Variants in ZFHX3 observed in about 807,000 individuals in gnomAD.
The protein encoded by ZFHX3 is zinc finger homeobox protein 3.
ZFHX3 carries 42 observed loss-of-function variants against 279.1 expected under a neutral mutation model. The ratio of observed to expected loss-of-function variants is 0.15; its 90% CI spans 0.12 to 0.19. The LOEUF is 0.19. ZFHX3 is among the 10% of genes least tolerant of loss of function. The probability of loss-of-function intolerance (pLI) is 1.00; values close to 1 mark genes in which losing one functional copy is unlikely to be tolerated. For missense variants in ZFHX3, 4,981 were observed against 4,754.0 expected (o/e 1.05, Z -1.40); for synonymous variants, 2,293 against 1,957.8 (o/e 1.17, Z -4.52).
At chr16:73,455,429 C>T (rs1049547354) in intron 3 of ZFHX3, among the ~76,000 whole-genome samples, 1 of 152,166 alleles carries the variant, frequency 6.6e-6, no homozygotes, top group African/African-American at 2.4e-5. Flanking sequence ...GATGGTTCTA[C>T]ATTCTTCCCA....
intron 5 of ZFHX3, among the ~76,000 whole-genome samples, chr16:73,168,424 A>G (rs1473832918): frequency 2.0e-5 from 3 of 151,998 alleles, no homozygotes; most frequent in African/African-American, 7.2e-5. Context: ...GCTAAGTTAA[A>G]ACTTGTTTTG....
intron 1 of ZFHX3, among the ~76,000 whole-genome samples, chr16:73,000,048 CCCGGAGCCCCATGGGGACAG>C (rs1196533808): frequency 5.3e-5 from 8 of 152,208 alleles, no homozygotes; most frequent in Non-Finnish European, 1.2e-4. Flanking sequence ...GGGCTTTGTT[CCCGGAGCCCCATGGGGACAG>C]GGCTGGCTTC....
At chr16:72,846,695 T>G (rs2037489809) in intron 4 of ZFHX3, among the ~76,000 whole-genome samples, 1 of 152,226 alleles carries the variant, frequency 6.6e-6, no homozygotes, top group Non-Finnish European at 1.5e-5. Context: ...GGCAGGGATT[T>G]CCAGTAGAAA....
At chr16:73,185,852 C>T (rs575753898) in intron 5 of ZFHX3, among the ~76,000 whole-genome samples, 3 of 152,236 alleles carry the variant, frequency 2.0e-5, no homozygotes, top group Admixed American at 6.5e-5. Flanking sequence ...TGTCAGGAGC[C>T]GGATCACACA....
chr16:73,158,580 T>A (rs1351223092), intron 5 of ZFHX3, among the ~76,000 whole-genome samples: 2 of 152,182 alleles, frequency 1.3e-5, no homozygotes, highest in African/African-American at 4.8e-5. Flanking sequence ...ACATTGACCC[T>A]TATTCTTCTA....
chr16:73,183,623 C>T (rs1280028977), intron 5 of ZFHX3, among the ~76,000 whole-genome samples: 1 of 152,208 alleles, frequency 6.6e-6, no homozygotes, highest in Non-Finnish European at 1.5e-5. Flanking sequence ...AGACTTCACA[C>T]GCTGTCTTAC....
At chr16:73,868,780 TTTC>T (rs1266364440) in intron 1 of ZFHX3, among the ~76,000 whole-genome samples, 3 of 150,970 alleles carry the variant, frequency 2.0e-5, no homozygotes, top group African/African-American at 7.4e-5. Context: ...TCTTTCTTTC[TTTC>T]TTTTTTTAAT....
At chr16:73,642,090 C>G (rs894956035) in intron 2 of ZFHX3, among the ~76,000 whole-genome samples, 1 of 152,088 alleles carries the variant, frequency 6.6e-6, no homozygotes, top group African/African-American at 2.4e-5. Context: ...GAAGGTGGTC[C>G]GTGGCCTCGA....
intron 1 of ZFHX3, among the ~76,000 whole-genome samples, chr16:73,839,322 A>G: frequency 8.0e-6 from 1 of 124,520 alleles, no homozygotes; most frequent in Non-Finnish European, 1.6e-5. Context: ...GCAAGACTCC[A>G]TCTCAAAAAA....
chr16:73,516,222 A>C (rs1032614841), intron 2 of ZFHX3, among the ~76,000 whole-genome samples: 6 of 152,232 alleles, frequency 3.9e-5, no homozygotes, highest in Non-Finnish European at 5.9e-5. Flanking sequence ...ATCGCCTCTT[A>C]GAGTTGGGGC....
At position 73,600,308 on chromosome 16, in the gene ZFHX3, C is replaced by T. The variant is rs528376389; in HGVS notation, c.-1547+79872G>A. Among the ~76,000 whole-genome samples the T allele has an allele frequency of 2.6e-5, 4 of 152,208 alleles. No individual in the cohort carries two copies. The South Asian group carries it at 6.2e-4, about 24-fold the overall frequency. Reference sequence around the variant, plus strand: ...CAAGAGATGGTACCTGGGACATCACCAAGAAATATGAAGGCACTGGACTTG... The same window carrying T: ...CAAGAGATGGTACCTGGGACATCACTAAGAAATATGAAGGCACTGGACTTG... On this transcript the variant is annotated intron_variant, in intron 2 of 17. Transcript: ENST00000641206.
intron 4 of ZFHX3, among the ~76,000 whole-genome samples, chr16:72,876,377 C>T (rs2038313006): frequency 6.6e-6 from 1 of 152,148 alleles, no homozygotes; most frequent in African/African-American, 2.4e-5. Context: ...TGAGCTCCCA[C>T]AAGTGTCTGC....
chr16:72,968,233 G>A (rs756302768), intron 1 of ZFHX3, among the ~76,000 whole-genome samples: 1 of 151,956 alleles, frequency 6.6e-6, no homozygotes, highest in Non-Finnish European at 1.5e-5. Context: ...ATCCAACTGA[G>A]GACAGTCTGC....
intron 2 of ZFHX3, among the ~76,000 whole-genome samples, chr16:73,496,279 C>G (rs1459333499): frequency 6.6e-6 from 1 of 152,190 alleles, no homozygotes; most frequent in Non-Finnish European, 1.5e-5. Context: ...GCCTGTAATC[C>G]CAGTACTTTG....
intron 5 of ZFHX3, among the ~76,000 whole-genome samples, chr16:73,248,665 G>GTGCGCA (rs888285257): frequency 9.0e-4 from 135 of 150,456 alleles, no homozygotes; most frequent in African/African-American, 2.9e-3. Context: ...GTGTGTGTGT[G>GTGCGCA]CACGTGCACG....
chr16:73,407,868 T>G (rs2017391926), intron 3 of ZFHX3, among the ~76,000 whole-genome samples: 1 of 152,168 alleles, frequency 6.6e-6, no homozygotes, highest in African/African-American at 2.4e-5. Flanking sequence ...TCCACTGCCC[T>G]CTTAGATTCT....
chr16:73,009,517 A>G (rs1455604321), intron 1 of ZFHX3, among the ~76,000 whole-genome samples: 1 of 152,194 alleles, frequency 6.6e-6, no homozygotes, highest in Non-Finnish European at 1.5e-5. Context: ...TGAGTATACT[A>G]GCCTGAATAT....
At position 73,839,811 on chromosome 16, in the gene ZFHX3, A is replaced by C. The variant is rs73603515; in HGVS notation, c.-1608+51840T>G. ...CTCCGACATGGGAAACAGGTTCACG[A>C]CTCCACCCATCCCCATCACCCTAAC... On this transcript the variant is annotated intron_variant, in intron 1 of 17. Coordinates refer to the ZFHX3 transcript ENST00000641206. Among the ~76,000 whole-genome samples the C allele has an allele frequency of 6.7e-3, 1,024 of 152,008 alleles. 15 individuals are homozygous for C. The highest frequency in any genetic ancestry group is 0.024 in the African/African-American group (985 of 41,450).
At chr16:73,765,802 T>C (rs572793039) in intron 1 of ZFHX3, among the ~76,000 whole-genome samples, 2 of 152,336 alleles carry the variant, frequency 1.3e-5, no homozygotes, top group African/African-American at 4.8e-5. Flanking sequence ...CAAGTAAAGG[T>C]GCTCTATTTT....
Sources: allele counts gnomAD v4.1 joint callset (sites outside exome capture counted in the v4.1 genomes callset), GRCh38; gene constraint gnomAD v4.1.1; transcripts MANE v1.5; gene names NCBI Gene and HGNC (gene_info 2026-07-23, HGNC 2026-07-21).